ZNF516: variants seen among roughly 807,000 people sequenced by gnomAD.
ZNF516 encodes the protein zinc finger protein 516.
Under a neutral mutation model 79.7 loss-of-function variants are expected in ZNF516, and 19 were observed. The observed-to-expected ratio is 0.24, with a 90% CI of 0.17 to 0.35. ZNF516 has a LOEUF of 0.35. Ranked by LOEUF, ZNF516 falls within the 10% of genes least tolerant of loss-of-function variation. The pLI is 1.00. For missense variants in ZNF516, 1,678 were observed against 1,679.5 expected, an observed-to-expected ratio of 1.00 and a Z score of 0.02; for synonymous variants, 877 against 739.5, an observed-to-expected ratio of 1.19 and a Z score of -3.02.
intron 3 of ZNF516, among the ~76,000 whole-genome samples, chr18:76,420,060 C>G (rs952133340): frequency 2.0e-5 from 3 of 152,254 alleles, no homozygotes; most frequent in African/African-American, 7.2e-5. Context: ...GCTCCCACAA[C>G]AGCCCCAGGT....
intron 2 of ZNF516, among the ~76,000 whole-genome samples, chr18:76,450,977 G>A (rs897934492): frequency 6.6e-6 from 1 of 152,120 alleles, no homozygotes; most frequent in African/African-American, 2.4e-5. Context: ...AACCAAATAT[G>A]CTCTCGTATT....
At chr18:76,449,726 A>C (rs1912278351) in intron 2 of ZNF516, among the ~76,000 whole-genome samples, 1 of 152,266 alleles carries the variant, frequency 6.6e-6, no homozygotes, top group Admixed American at 6.5e-5. Context: ...GTAATTGTTC[A>C]ATAAGTGAAT....
intron 1 of ZNF516, among the ~76,000 whole-genome samples, chr18:76,476,517 A>G (rs576655829): frequency 6.6e-6 from 1 of 152,202 alleles, no homozygotes; most frequent in East Asian, 1.9e-4. Context: ...AGGGAATAGG[A>G]TTGGTCTTAG....
intron 2 of ZNF516, among the ~76,000 whole-genome samples, chr18:76,461,738 T>G (rs1599127922): frequency 6.6e-6 from 1 of 152,200 alleles, no homozygotes; most frequent in East Asian, 1.9e-4. Flanking sequence ...GATTCAGCAG[T>G]ACCGAAAATA....
chr18:76,426,522 A>G (rs2075594570), intron 3 of ZNF516, among the ~76,000 whole-genome samples: 1 of 147,896 alleles, frequency 6.8e-6, no homozygotes, highest in Admixed American at 6.7e-5. Context: ...TGCATGGGAC[A>G]TACATAAACT....
intron 3 of ZNF516, among the ~76,000 whole-genome samples, chr18:76,390,925 C>G (rs1183252244): frequency 6.6e-6 from 1 of 152,142 alleles, no homozygotes. Context: ...AGCAGCTTAT[C>G]TAAGGCCATC....
rs1465219126 is a variant in ZNF516 at position 76,441,912 on chromosome 18, C to A, written c.1143G>T (p.Gln381His). The stretch of plus-strand genomic sequence containing the variant: ...TCAGGTTCAGGCACTGGAGGAAGAA[C>A]TGCTTGGTGTCCGAGGGCCCCTCCG... ...EGAEGPSDTK[Q>H]FFLQCLNLRP... The change falls in exon 3 of 7, where the codon CAG (glutamine) becomes CAT (histidine). Residue 381 changes from glutamine to histidine, a missense_variant. Gln to His is a conservative substitution (Grantham distance 24, BLOSUM62 0). This residue lies in a region of ZNF516 where 1,294 missense variants were observed against 1,248.3 expected (regional missense o/e 1.04). Coordinates refer to ENST00000443185, the MANE Select transcript of ZNF516 (RefSeq NM_014643.4). The A allele has an allele frequency of 6.2e-7, 1 of 1,603,774 alleles. No individual in the cohort carries two copies.
chr18:76,485,208 C>G (rs1914759585), intron 1 of ZNF516, among the ~76,000 whole-genome samples: 1 of 152,110 alleles, frequency 6.6e-6, no homozygotes, highest in African/African-American at 2.4e-5. Context: ...TGGTGTTACT[C>G]AAAGGGACAA....
intron 1 of ZNF516, among the ~76,000 whole-genome samples, chr18:76,484,696 T>C (rs897873145): frequency 3.9e-5 from 6 of 152,170 alleles, no homozygotes; most frequent in African/African-American, 1.4e-4. Flanking sequence ...AAAAACCTGG[T>C]TTGTAAATCA....
At chr18:76,406,825 A>T (rs1194225862) in intron 3 of ZNF516, among the ~76,000 whole-genome samples, 3 of 152,164 alleles carry the variant, frequency 2.0e-5, no homozygotes, top group Admixed American at 6.5e-5. Context: ...AGGAGTGCAG[A>T]GTCTTATCCT....
At chr18:76,441,047 G>A (rs1387661000) in intron 3 of ZNF516, among the ~76,000 whole-genome samples, 198 bp downstream of exon 3, 1 of 152,182 alleles carries the variant, frequency 6.6e-6, no homozygotes, top group African/African-American at 2.4e-5. Context: ...TGGGCACAGG[G>A]ACCCTGGGCA....
At chr18:76,455,079 T>A (rs1912639074) in intron 2 of ZNF516, among the ~76,000 whole-genome samples, 1 of 152,170 alleles carries the variant, frequency 6.6e-6, no homozygotes, top group African/African-American at 2.4e-5. Flanking sequence ...TATATGGGAA[T>A]AAACTGTCAC....
At chr18:76,416,580 C>G (rs886958779) in intron 3 of ZNF516, among the ~76,000 whole-genome samples, 2 of 152,174 alleles carry the variant, frequency 1.3e-5, no homozygotes, top group African/African-American at 4.8e-5. Flanking sequence ...TTTCTGCAGG[C>G]CTTCAAGAGC....
chr18:76,409,144 G>GAGC (rs1264738288), intron 3 of ZNF516, among the ~76,000 whole-genome samples: 3 of 150,516 alleles, frequency 2.0e-5, no homozygotes, highest in Non-Finnish European at 3.0e-5. Context: ...TAAAGTGGAA[G>GAGC]AGCAGCAAGA....
chr18:76,397,963 C>G (rs1384055317), intron 3 of ZNF516, among the ~76,000 whole-genome samples: 1 of 147,478 alleles, frequency 6.8e-6, no homozygotes, highest in African/African-American at 2.5e-5. Context: ...TCTGACTAGA[C>G]AAATTATTCG....
chr18:76,370,645 G>A lies in ZNF516; in HGVS notation c.3365-50C>T, dbSNP rs375524600. 1,395 of 1,490,258 alleles carry A rather than the reference G, an allele frequency of 9.4e-4. 3 individuals carry two copies. The highest frequency in any genetic ancestry group is 2.2e-3 in the South Asian group (175 of 79,004). The allele number at this position is 1,490,258 out of a possible 1,614,324, so 92.3% of individuals were successfully genotyped here. A position where few individuals can be genotyped will look rare whatever the true frequency, so the allele number is the denominator to read the frequency against. ...CAGATCAGCGTGTGAGCTTCCGGACGTGCACATTAAATGAGTCCATTACAG... is the reference window on the plus strand; with the variant it reads ...CAGATCAGCGTGTGAGCTTCCGGACATGCACATTAAATGAGTCCATTACAG... On this transcript the variant is annotated intron_variant, in intron 5 of 6. Coordinates refer to ENST00000443185, the MANE Select transcript of ZNF516 (RefSeq NM_014643.4).
At chr18:76,370,887 C>A (rs574878263) in intron 5 of ZNF516, among the ~76,000 whole-genome samples, 1 of 152,224 alleles carries the variant, frequency 6.6e-6, no homozygotes, top group East Asian at 1.9e-4. Context: ...ACCACTCGGC[C>A]TGTGTCATCT....
chr18:76,459,917 G>A lies in ZNF516; in HGVS notation c.-158+3111C>T, dbSNP rs936430979. 6.6e-6 allele frequency among the ~76,000 whole-genome samples: 1 copy of A among 152,200 alleles called. No individual in the cohort carries two copies. Among genetic ancestry groups the A allele is most frequent in the Non-Finnish European group, 1.5e-5 (1 of 68,038 alleles). On this transcript the variant is annotated intron_variant, in intron 2 of 6. Transcript: ENST00000443185. The surrounding 1 kb of genome is among the most constrained non-coding windows in gnomAD (Gnocchi z 5.0). ...GGTCTTTACGTAGGCAGCCTCCTTGGCATCGGGCAGGTCTGTCTCACCAGT... is the reference window on the plus strand; with the variant it reads ...GGTCTTTACGTAGGCAGCCTCCTTGACATCGGGCAGGTCTGTCTCACCAGT...
At chr18:76,425,202 C>CGCTT (rs1272130200) in intron 3 of ZNF516, among the ~76,000 whole-genome samples, 2 of 152,086 alleles carry the variant, frequency 1.3e-5, no homozygotes, top group African/African-American at 4.8e-5. Context: ...AGTGAGAGAT[C>CGCTT]GCTTTGCAAG....
Sources: gnomAD v4.1 joint callset for allele counts (sites outside exome capture counted in the v4.1 genomes callset) on GRCh38, gnomAD v4.1.1 for gene constraint, gnomAD v4.1.1 regional missense constraint, Gnocchi (gnomAD v3.1) non-coding constraint, MANE v1.5 for transcripts, NCBI Gene and HGNC (gene_info 2026-07-23, HGNC 2026-07-21) for gene names.